Variants in COL11A1 observed in about 807,000 individuals in gnomAD.
The protein encoded by COL11A1 is collagen alpha-1(XI) chain.
A neutral mutation model predicts 265.2 loss-of-function variants in COL11A1; 74 were observed. The observed-to-expected ratio is 0.28, with a 90% CI of 0.23 to 0.34. COL11A1 has a LOEUF of 0.34. Ranked by LOEUF, COL11A1 falls within the 10% of genes least tolerant of loss-of-function variation. COL11A1 has a pLI of 1.00. For synonymous variants in COL11A1, 816 were observed against 727.6 expected (o/e 1.12, Z -1.96); for missense variants, 2,165 against 2,263.6 (o/e 0.96, Z 0.88).
intron 1 of COL11A1, among the ~76,000 whole-genome samples, chr1:103,087,215 G>A (rs921375801): frequency 6.6e-6 from 1 of 152,166 alleles, no homozygotes; most frequent in African/African-American, 2.4e-5. Context: ...CAATTCAGAT[G>A]TATCCAATTC....
intron 37 of COL11A1, among the ~76,000 whole-genome samples, chr1:102,968,827 T>A (rs1043700927): frequency 6.6e-6 from 1 of 152,230 alleles, no homozygotes; most frequent in African/African-American, 2.4e-5. Context: ...TAAATCTCAA[T>A]GTTATATGTG....
chr1:103,037,946 C>G (rs893355967), intron 4 of COL11A1, among the ~76,000 whole-genome samples: 1 of 152,092 alleles, frequency 6.6e-6, no homozygotes, highest in Non-Finnish European at 1.5e-5. Context: ...ATAAAATCAT[C>G]TAGATTCCAA....
chr1:103,071,585 A>G (rs1420189078), intron 4 of COL11A1, among the ~76,000 whole-genome samples: 1 of 145,256 alleles, frequency 6.9e-6, no homozygotes, highest in Non-Finnish European at 1.5e-5. Context: ...GGACAAATGT[A>G]TCTAATCTCT....
At position 103,085,437 on chromosome 1, in the gene COL11A1, A is replaced by C. The variant is rs562965756; in HGVS notation, c.107-2465T>G. Reference sequence around the variant, plus strand: ...GCAATTCTCTGTACACATTTTGGGGATGTGGAAGGAAACCAGAGTGCCCAG... The same window carrying C: ...GCAATTCTCTGTACACATTTTGGGGCTGTGGAAGGAAACCAGAGTGCCCAG... On this transcript the variant is annotated intron_variant, in intron 1 of 66. Coordinates refer to ENST00000370096, the MANE Select transcript of COL11A1 (RefSeq NM_001854.4). Among the ~76,000 whole-genome samples, 201 of 152,230 alleles carry C rather than the reference A, an allele frequency of 1.3e-3. 2 individuals are homozygous for C. Among genetic ancestry groups the C allele is most frequent in the African/African-American group, 4.6e-3 (191 of 41,522 alleles).
intron 4 of COL11A1, among the ~76,000 whole-genome samples, chr1:103,046,032 G>C (rs1473761033): frequency 6.6e-6 from 1 of 151,186 alleles, no homozygotes; most frequent in African/African-American, 2.4e-5. Context: ...TGGACATTTG[G>C]GTTGGTTCCA....
intron 31 of COL11A1, among the ~76,000 whole-genome samples, chr1:102,982,287 T>A (rs1490679193): frequency 6.6e-6 from 1 of 151,978 alleles, no homozygotes; most frequent in East Asian, 1.9e-4. Flanking sequence ...ATCAGAGAAC[T>A]TAGGGAAAAA....
intron 44 of COL11A1, among the ~76,000 whole-genome samples, chr1:102,935,740 G>C (rs59481645): frequency 6.6e-6 from 1 of 152,040 alleles, no homozygotes; most frequent in East Asian, 1.9e-4. Context: ...AAAGGTTCAG[G>C]CATTAAAGAA....
chr1:102,877,413 AAATAATTGAACTCTTCAACATCAATATAT>A lies in COL11A1; in HGVS notation c.*577_*605del, dbSNP rs1649629221. On this transcript the variant is annotated 3_prime_UTR_variant, in exon 67 of 67. Transcript: ENST00000370096. ...CTCTGAGAATTTTGTTGGCGACATC[AAATAATTGAACTCTTCAACATCAATATAT>A]ACAAAGGCATTTTATTATTAACCAA... 1 of 152,590 alleles carries A rather than the reference AAATAATTGAACTCTTCAACATCAATATAT, an allele frequency of 6.6e-6. No homozygotes were observed. Among genetic ancestry groups the A allele is most frequent in the South Asian group, 2.1e-4 (1 of 4,832 alleles). The allele number at this position is 152,590 out of a possible 1,614,324, so 9.5% of individuals were successfully genotyped here.
intron 1 of COL11A1, among the ~76,000 whole-genome samples, chr1:103,087,953 G>A (rs938995836): frequency 5.9e-5 from 9 of 152,104 alleles, no homozygotes; most frequent in African/African-American, 2.2e-4. Flanking sequence ...AAATCCTCAG[G>A]CTATCTAGTG....
intron 53 of COL11A1, among the ~76,000 whole-genome samples, chr1:102,912,486 A>G (rs1654806400): frequency 6.6e-6 from 1 of 152,222 alleles, no homozygotes; most frequent in Admixed American, 6.5e-5. Flanking sequence ...GTGCTAATTT[A>G]TATCTGGCAA....
At chr1:103,082,432 C>G (rs746485319) in intron 2 of COL11A1, among the ~76,000 whole-genome samples, 1 of 151,968 alleles carries the variant, frequency 6.6e-6, no homozygotes, top group African/African-American at 2.4e-5. Flanking sequence ...CCCTCCTATA[C>G]CCCAGTCACG....
chr1:103,101,748 A>C (rs2102419321), intron 1 of COL11A1, among the ~76,000 whole-genome samples: 1 of 152,058 alleles, frequency 6.6e-6, no homozygotes, highest in East Asian at 1.9e-4. Flanking sequence ...TAAGAAAAAA[A>C]AAAAAGAAGA....
chr1:102,886,390 C>T (rs1294285229), intron 63 of COL11A1, among the ~76,000 whole-genome samples: 1 of 152,078 alleles, frequency 6.6e-6, no homozygotes, highest in Non-Finnish European at 1.5e-5. Flanking sequence ...AAATATACAT[C>T]AGTTATGCTA....
At position 102,888,741 on chromosome 1, in the gene COL11A1, C is replaced by T. The variant is rs1254445828; in HGVS notation, c.4536G>A (p.Lys1512=). Residue 1512 remains lysine, a synonymous_variant, in exon 61 of 67, where the codon AAG becomes AAA. Transcript: ENST00000370096. The stretch of plus-strand genomic sequence containing the variant: ...TACTTACAGTAGAGCCTTTGTTACC[C>T]TTTGGGCCTTGAGGACCCTACAAAA... The part of the protein sequence containing the change: ...PPGLPGPQGP[K]GNKGSTGPAG... 5.0e-6 allele frequency: 8 copies of T among 1,613,922 alleles called. No individual in the cohort carries two copies. Among genetic ancestry groups the T allele is most frequent in the Non-Finnish European group, 5.1e-6 (6 of 1,179,894 alleles).
At chr1:103,054,671 GTGGA>G (rs1670097215) in intron 4 of COL11A1, among the ~76,000 whole-genome samples, 1 of 152,242 alleles carries the variant, frequency 6.6e-6, no homozygotes, top group East Asian at 1.9e-4. Flanking sequence ...GGAGGCCGAG[GTGGA>G]TGGATTGCCT....
intron 38 of COL11A1, among the ~76,000 whole-genome samples, chr1:102,964,569 T>C (rs1337840041): frequency 6.8e-6 from 1 of 146,254 alleles, no homozygotes; most frequent in African/African-American, 2.5e-5. Flanking sequence ...CAAGATGCAG[T>C]TTTGTTGTTT....
chr1:103,034,077 A>C (rs572931781), intron 4 of COL11A1, among the ~76,000 whole-genome samples: 2 of 152,282 alleles, frequency 1.3e-5, no homozygotes, highest in African/African-American at 4.8e-5. Context: ...CTATTAATCT[A>C]AATGAGAATC....
At chr1:103,014,080 T>C (rs981830184) in intron 13 of COL11A1, among the ~76,000 whole-genome samples, 1 of 152,066 alleles carries the variant, frequency 6.6e-6, no homozygotes, top group African/African-American at 2.4e-5. Context: ...TTTTCTGTGT[T>C]ATCCATGATA....
chr1:103,029,631 C>T (rs59050890), intron 5 of COL11A1, among the ~76,000 whole-genome samples: 4,642 of 152,046 alleles, frequency 0.031, 264 homozygotes, highest in African/African-American at 0.11. Flanking sequence ...TTGCATTACC[C>T]AACAAGATTG....
Sources: gnomAD v4.1 joint callset for allele counts (sites outside exome capture counted in the v4.1 genomes callset) on GRCh38, gnomAD v4.1.1 for gene constraint, MANE v1.5 for transcripts, NCBI Gene and HGNC (gene_info 2026-07-23, HGNC 2026-07-21) for gene names.